Variants in OXR1 observed in about 807,000 individuals in gnomAD.
OXR1 encodes the protein oxidation resistance protein 1.
OXR1 carries 41 observed loss-of-function variants against 104.6 expected under a neutral mutation model. The observed-to-expected ratio is 0.39, with a 90% CI of 0.31 to 0.51. OXR1 has a LOEUF of 0.51. OXR1 is among the 20% of genes least tolerant of loss of function. OXR1 has a pLI of 0.77. For synonymous variants in OXR1, 348 were observed against 348.4 expected (o/e 1.00, Z 0.01); for missense variants, 955 against 1,031.9 (o/e 0.93, Z 1.02).
At chr8:106,547,098 C>A (rs1236696797) in intron 3 of OXR1, among the ~76,000 whole-genome samples, 1 of 152,096 alleles carries the variant, frequency 6.6e-6, no homozygotes, top group African/African-American at 2.4e-5. Flanking sequence ...ACCATGTTGG[C>A]CAGGATGGTC....
At chr8:106,631,751 A>G (rs1401927251) in intron 3 of OXR1, among the ~76,000 whole-genome samples, 2 of 152,178 alleles carry the variant, frequency 1.3e-5, no homozygotes, top group African/African-American at 4.8e-5. Flanking sequence ...TAATCAGCCT[A>G]CTAAGAAAGA....
chr8:106,345,705 CAT>C (rs1324039554), intron 1 of OXR1, among the ~76,000 whole-genome samples: 1 of 152,152 alleles, frequency 6.6e-6, no homozygotes, highest in Non-Finnish European at 1.5e-5. Flanking sequence ...ACACATAAAA[CAT>C]ACGTTTGATC....
intron 11 of OXR1, chr8:106,720,872 C>A (rs1353061897): frequency 6.4e-6 from 1 of 155,124 alleles, no homozygotes; most frequent in African/African-American, 2.4e-5. Flanking sequence ...CCACAATAAG[C>A]TCAGATTCAT....
chr8:106,746,007 G>T, intron 16 of OXR1, 145 bp downstream of exon 16: 1 of 530,636 alleles, frequency 1.9e-6, no homozygotes, highest in South Asian at 3.3e-5. Flanking sequence ...TAATGTATTT[G>T]CAAGAAGTAG....
chr8:106,646,658 G>C (rs532341508), intron 3 of OXR1, among the ~76,000 whole-genome samples: 1 of 152,054 alleles, frequency 6.6e-6, no homozygotes, highest in Admixed American at 6.5e-5. Context: ...GGGTAAAGAA[G>C]GGCCCAGAAA....
chr8:106,743,789 T>A (rs1446068591), intron 15 of OXR1, among the ~76,000 whole-genome samples: 1 of 152,170 alleles, frequency 6.6e-6, no homozygotes, highest in Non-Finnish European at 1.5e-5. Flanking sequence ...AATATAAAGA[T>A]ACATGCACAC....
At chr8:106,456,379 G>A (rs907980544) in intron 2 of OXR1, among the ~76,000 whole-genome samples, 6 of 152,010 alleles carry the variant, frequency 3.9e-5, no homozygotes, top group Admixed American at 1.3e-4. Flanking sequence ...AGTATACTCC[G>A]CAGAAGCAGA....
chr8:106,671,044 C>CAAAAAAAAAA (rs60404483), intron 3 of OXR1, among the ~76,000 whole-genome samples: 9 of 48,928 alleles, frequency 1.8e-4, no homozygotes, highest in African/African-American at 4.9e-4. Context: ...GACTCTGTCT[C>CAAAAAAAAAA]AAAAAAAAAA....
intron 3 of OXR1, among the ~76,000 whole-genome samples, chr8:106,624,586 G>T (rs957488507): frequency 1.3e-5 from 2 of 152,132 alleles, no homozygotes; most frequent in Non-Finnish European, 2.9e-5. Context: ...ATAGCTGAGG[G>T]CTGGGTATAC....
chr8:106,552,992 C>A (rs1294120696), intron 3 of OXR1, among the ~76,000 whole-genome samples: 1 of 152,128 alleles, frequency 6.6e-6, no homozygotes, highest in East Asian at 1.9e-4. Flanking sequence ...ATTCCCCTCA[C>A]ACTGATCAGA....
chr8:106,541,216 G>T (rs1292755497), intron 3 of OXR1, among the ~76,000 whole-genome samples: 4 of 152,106 alleles, frequency 2.6e-5, no homozygotes, highest in Non-Finnish European at 5.9e-5. Context: ...GTTTATAAAA[G>T]TATGATAATT....
intron 3 of OXR1, among the ~76,000 whole-genome samples, chr8:106,608,012 T>G (rs1820533717): frequency 6.6e-6 from 1 of 152,232 alleles, no homozygotes; most frequent in Non-Finnish European, 1.5e-5. Flanking sequence ...CTGGGCACTG[T>G]GGCTCATTGC....
intron 2 of OXR1, among the ~76,000 whole-genome samples, chr8:106,468,560 G>A (rs551272975): frequency 5.3e-5 from 8 of 151,908 alleles, no homozygotes; most frequent in Middle Eastern, 3.4e-3. Flanking sequence ...GTGAACAAGG[G>A]TAAGATTAAG....
At chr8:106,439,018 T>G (rs758355295) in intron 2 of OXR1, among the ~76,000 whole-genome samples, 20 of 152,228 alleles carry the variant, frequency 1.3e-4, no homozygotes, top group Non-Finnish European at 2.2e-4. Context: ...GAAAATTATA[T>G]TTGTATTGTT....
chr8:106,591,730 C>T (rs1020981701), intron 3 of OXR1, among the ~76,000 whole-genome samples: 1 of 152,164 alleles, frequency 6.6e-6, no homozygotes, highest in African/African-American at 2.4e-5. Flanking sequence ...ATGACTGTTT[C>T]CCAGTTGGAT....
At chr8:106,435,618 C>T (rs1468585154) in intron 2 of OXR1, among the ~76,000 whole-genome samples, 2 of 152,190 alleles carry the variant, frequency 1.3e-5, no homozygotes, top group African/African-American at 2.4e-5. Flanking sequence ...TACACTCTCT[C>T]TACATGATGG....
At chr8:106,729,344 G>C (rs765946477) in intron 11 of OXR1, among the ~76,000 whole-genome samples, 3 of 152,032 alleles carry the variant, frequency 2.0e-5, no homozygotes, top group Non-Finnish European at 4.4e-5. Flanking sequence ...AATATAACAA[G>C]AGGAAGAGAA....
intron 2 of OXR1, among the ~76,000 whole-genome samples, chr8:106,480,910 A>G (rs949670509): frequency 1.3e-5 from 2 of 152,094 alleles, no homozygotes; most frequent in African/African-American, 2.4e-5. Flanking sequence ...TACTTCTCAA[A>G]TGAATTAAGG....
At chr8:106,316,533 A>C (rs908007285) in intron 1 of OXR1, among the ~76,000 whole-genome samples, 1 of 152,310 alleles carries the variant, frequency 6.6e-6, no homozygotes, top group Middle Eastern at 3.4e-3. Context: ...TTTACAAATG[A>C]AGATAAATGA....
Sources: gnomAD v4.1 joint callset for allele counts (sites outside exome capture counted in the v4.1 genomes callset) on GRCh38, gnomAD v4.1.1 for gene constraint, MANE v1.5 for transcripts, NCBI Gene and HGNC (gene_info 2026-07-23, HGNC 2026-07-21) for gene names.